CELF3: variants seen among roughly 807,000 people sequenced by gnomAD.
The protein encoded by CELF3 is CAG repeat domain.
In CELF3, 26 loss-of-function variants were observed where a neutral mutation model predicts 59.6. The observed-to-expected ratio is 0.44, with a 90% CI of 0.32 to 0.61. The LOEUF (loss-of-function observed/expected upper bound fraction) is 0.61, where lower values mean the gene tolerates loss of function less well. Among genes scored for constraint, CELF3 ranks in the 20% least tolerant of loss-of-function variants. The pLI is 0.06. For missense variants in CELF3, 387 were observed against 627.2 expected (o/e 0.62, Z 4.09); for synonymous variants, 245 against 250.7 (o/e 0.98, Z 0.22).
At position 151,700,263 on chromosome 1, in the gene CELF3, G is replaced by T. The variant is rs879936062; in HGVS notation, c.*3196C>A. Reference sequence around the variant, plus strand: ...GTGCCATAAGGACTAGAAAAGGAAGGAGAAAGACCTGTGGATGAGGGCCGT... The same window carrying T: ...GTGCCATAAGGACTAGAAAAGGAAGTAGAAAGACCTGTGGATGAGGGCCGT... On this transcript the variant is annotated 3_prime_UTR_variant, in exon 13 of 13. Coordinates refer to ENST00000290583, the MANE Select transcript of CELF3 (RefSeq NM_007185.7). 1.3e-5 allele frequency among the ~76,000 whole-genome samples: 2 copies of T among 152,174 alleles called. No individual in the cohort carries two copies. The highest frequency in any genetic ancestry group is 2.4e-5 in the African/African-American group (1 of 41,432).
intron 2 of CELF3, chr1:151,710,796 C>T (rs1340471790): frequency 6.6e-6 from 3 of 456,516 alleles, no homozygotes; most frequent in Non-Finnish European, 1.3e-5. Context: ...CCTAGTTCCA[C>T]TCTCCATGTT....
Position 151,703,394 on chromosome 1 carries a change from G to A in CELF3, c.*65C>T, listed in dbSNP as rs537768405. The A allele has an allele frequency of 5.6e-4, 221 of 396,078 alleles. 8 individuals carry two copies. Among genetic ancestry groups the A allele is most frequent in the South Asian group, 3.8e-3 (211 of 55,502 alleles). The allele number at this position is 396,078 out of a possible 1,614,324, so 24.5% of individuals were successfully genotyped here. On this transcript the variant is annotated 3_prime_UTR_variant, in exon 13 of 13. Coordinates refer to ENST00000290583, the MANE Select transcript of CELF3 (RefSeq NM_007185.7). ...CCAGGGCAGGTGTGCGGAGAGGGCC[G>A]GGGCCAGTCGTGGGAAGAGGGTGTG...
rs1435501736 is a variant in CELF3 at position 151,709,252 on chromosome 1, G to A, written c.374C>T (p.Thr125Ile). 3 of 1,614,084 alleles carry A rather than the reference G, an allele frequency of 1.9e-6. No homozygotes were observed. Among genetic ancestry groups the A allele is most frequent in the Non-Finnish European group, 2.5e-6 (3 of 1,179,968 alleles). ...FEPFGTIDEC[T>I]VLRGPDGTSK... The stretch of plus-strand genomic sequence containing the variant: ...GGTGCCATCTGGCCCCCGGAGCACA[G>A]TGCACTCGTCGATGGTCCCGAAGGG... The change falls in exon 4 of 13, where the codon ACT becomes ATT. Residue 125 changes from threonine to isoleucine, a missense_variant. Transcript: ENST00000290583. The surrounding 1 kb of genome is among the most constrained non-coding windows in gnomAD (Gnocchi z 4.9).
chr1:151,711,104 C>G (rs935302212), intron 2 of CELF3: 1 of 331,512 alleles, frequency 3.0e-6, no homozygotes, highest in East Asian at 7.8e-5. Context: ...GATTTGAGGA[C>G]TAGCCCTGCC....
At chr1:151,712,040 C>T (rs1673067758) in intron 2 of CELF3, 2 of 152,488 alleles carry the variant, frequency 1.3e-5, no homozygotes, top group Non-Finnish European at 2.9e-5. Context: ...CCTTGGCGCT[C>T]CAGTGTCCCC....
In CELF3 at chr1:151,716,764, G is replaced by A. The variant is rs1373422014; in HGVS notation, c.-744C>T. 1 of 455,778 alleles carries A rather than the reference G, an allele frequency of 2.2e-6. No individual in the cohort carries two copies. Among genetic ancestry groups the A allele is most frequent in the Admixed American group, 2.5e-5 (1 of 40,574 alleles). The allele number at this position is 455,778 out of a possible 1,614,324, so 28.2% of individuals were successfully genotyped here. On this transcript the variant is annotated 5_prime_UTR_variant, in exon 1 of 13. Transcript: ENST00000290583. Reference sequence around the variant, plus strand: ...CTGCTTTCCCGGTCACCTGGGTCCCGGAGCTCTGCTCTCCGGCCGCGCTCT... The same window carrying A: ...CTGCTTTCCCGGTCACCTGGGTCCCAGAGCTCTGCTCTCCGGCCGCGCTCT...
At chr1:151,703,895 G>A (rs1025548110) in intron 12 of CELF3, among the ~76,000 whole-genome samples, 30 of 152,172 alleles carry the variant, frequency 2.0e-4, no homozygotes, top group African/African-American at 7.2e-4. Flanking sequence ...AGTCTCATGG[G>A]GTGAGACCAC....
rs1044730659 is a variant in CELF3 at position 151,703,233 on chromosome 1, A to G, written c.*226T>C. On this transcript the variant is annotated 3_prime_UTR_variant, in exon 13 of 13. Coordinates refer to ENST00000290583, the MANE Select transcript of CELF3 (RefSeq NM_007185.7). ...GCTCCCTCACAAAGGCCAAAAGGGC[A>G]TCTAGGAGGAAATGGGCCCTTGGAG... The G allele has an allele frequency of 6.6e-6, 3 of 457,588 alleles. No individual in the cohort carries two copies. The Admixed American group carries it at 7.0e-5, about 11-fold the overall frequency. 28.3% of individuals were successfully genotyped at this position (457,588 alleles called of 1,614,324 possible).
In CELF3 at chr1:151,709,185, G is replaced by A. The variant is rs1365166265; in HGVS notation, c.406+35C>T. ...CTTGGGGGTGGAACAGGAAGGGGAA[G>A]GGCCCGGTGGGGAAGGGGGAAGTGG... On this transcript the variant is annotated intron_variant, in intron 4 of 12. Transcript: ENST00000290583. This position sits in a 1 kb window ranked among gnomAD's most constrained non-coding sequence, Gnocchi z 4.9. The A allele has an allele frequency of 3.7e-6, 6 of 1,610,228 alleles. No homozygotes were observed. The African/African-American group carries it at 4.0e-5, about 11-fold the overall frequency.
chr1:151,715,607 A>G, intron 1 of CELF3: 1 of 1,445,706 alleles, frequency 6.9e-7, no homozygotes, highest in Middle Eastern at 1.8e-4. Flanking sequence ...TCATCCCATG[A>G]CATCAACACA....
intron 9 of CELF3, 52 bp from the exon 10 acceptor site, chr1:151,706,413 C>T: frequency 6.7e-7 from 1 of 1,492,840 alleles, no homozygotes. Context: ...CTTCTTGAGC[C>T]CTCCCAGCCA....
chr1:151,710,799 T>C (rs770898735), intron 2 of CELF3: 4 of 456,416 alleles, frequency 8.8e-6, no homozygotes, highest in African/African-American at 6.0e-5. Context: ...AGTTCCACTC[T>C]CCATGTTCTT....
In CELF3 at chr1:151,702,923, A is replaced by T. The variant is rs1571901682; in HGVS notation, c.*536T>A. 1 of 294,528 alleles carries T rather than the reference A, an allele frequency of 3.4e-6. No homozygotes were observed. Among genetic ancestry groups the T allele is most frequent in the Non-Finnish European group, 6.9e-6 (1 of 145,808 alleles). 18.2% of individuals were successfully genotyped at this position (294,528 alleles called of 1,614,324 possible). ...CCTCCTTAGAGGGGGCCCTTGGGGGAGGCAGTGAGTTTTAGGGCTGGGAGC... is the reference window on the plus strand; with the variant it reads ...CCTCCTTAGAGGGGGCCCTTGGGGGTGGCAGTGAGTTTTAGGGCTGGGAGC... On this transcript the variant is annotated 3_prime_UTR_variant, in exon 13 of 13. Coordinates refer to ENST00000290583, the MANE Select transcript of CELF3 (RefSeq NM_007185.7).
chr1:151,700,361 T>G lies in CELF3; in HGVS notation c.*3098A>C, dbSNP rs1671992035. Among the ~76,000 whole-genome samples, 1 of 152,152 alleles carries G rather than the reference T, an allele frequency of 6.6e-6. No individual in the cohort carries two copies. The highest frequency in any genetic ancestry group is 2.1e-4 in the South Asian group (1 of 4,824). On this transcript the variant is annotated 3_prime_UTR_variant, in exon 13 of 13. Coordinates refer to ENST00000290583, the MANE Select transcript of CELF3 (RefSeq NM_007185.7). Reference sequence around the variant, plus strand: ...TGAGAAGGATTTCAACAAGAAGGCATTCAACAAACATTTATTGAGCCGTTA... The same window carrying G: ...TGAGAAGGATTTCAACAAGAAGGCAGTCAACAAACATTTATTGAGCCGTTA...
At position 151,705,909 on chromosome 1, in the gene CELF3, C is replaced by T. The variant is rs766937336; in HGVS notation, c.1183G>A (p.Glu395Lys). 2 of 1,614,040 alleles carry T rather than the reference C, an allele frequency of 1.2e-6. No homozygotes were observed. The highest frequency in any genetic ancestry group is 2.7e-5 in the African/African-American group (2 of 74,932). ...YHLPQEFTDS[E>K]ILQMFVPFGH... is the part of the protein sequence containing the mutation. ...AAGGGGACAAACATCTGGAGGATCT[C>T]TGAGTCAGTGAACTCCTGGGGCAGG... is the stretch of plus-strand genomic sequence containing the variant. Residue 395 changes from glutamate to lysine, a missense_variant, in exon 11 of 13, where the codon GAG becomes AAG. This residue lies in a region of CELF3 where 48 missense variants were observed against 118.8 expected (regional missense o/e 0.40). Transcript: ENST00000290583. The surrounding 1 kb of genome is among the most constrained non-coding windows in gnomAD (Gnocchi z 5.1).
chr1:151,709,840 C>A lies in CELF3; in HGVS notation c.229-49G>T, dbSNP rs1194216901. The A allele has an allele frequency of 3.2e-6, 5 of 1,579,552 alleles. No individual in the cohort carries two copies. Among genetic ancestry groups the A allele is most frequent in the Non-Finnish European group, 4.4e-6 (5 of 1,148,360 alleles). ...CTGCTGGGGACCTCCTCTGAACACC[C>A]AAGAGCCCTCCCAGGCCAGGCCCTG... is the stretch of plus-strand genomic sequence containing the variant. On this transcript the variant is annotated intron_variant, in intron 2 of 12. Coordinates refer to ENST00000290583, the MANE Select transcript of CELF3 (RefSeq NM_007185.7). The surrounding 1 kb of genome is among the most constrained non-coding windows in gnomAD (Gnocchi z 4.9).
chr1:151,709,313 G>C lies in CELF3; in HGVS notation c.313C>G (p.Gln105Glu). The C allele has an allele frequency of 5.0e-6, 8 of 1,614,082 alleles. No homozygotes were observed. Among genetic ancestry groups the C allele is most frequent in the Non-Finnish European group, 6.8e-6 (8 of 1,179,968 alleles). ...TTCCGGACGTCCTCATCTGTCTGCT[G>C]CTTCCCTAGCATCCCCACAAAGAGC... ...RKLFVGMLGK[Q>E]QTDEDVRKMF... The change falls in exon 4 of 13, where the codon CAG becomes GAG. Residue 105 changes from glutamine to glutamate, a missense_variant. Physicochemically the swap from Gln to Glu is conservative, Grantham distance 29. Around this residue, in one of 3 missense-constraint regions of CELF3, gnomAD observed 208 missense variants for 354.8 expected, o/e 0.59. Coordinates refer to ENST00000290583, the MANE Select transcript of CELF3 (RefSeq NM_007185.7). This position sits in a 1 kb window ranked among gnomAD's most constrained non-coding sequence, Gnocchi z 4.9.
chr1:151,708,080 G>GT, intron 5 of CELF3, 145 bp from the exon 6 acceptor site: 1 of 828,528 alleles, frequency 1.2e-6, no homozygotes, highest in Non-Finnish European at 1.8e-6. Flanking sequence ...ATGAAAGATG[G>GT]GGAGATATTA....
At chr1:151,712,653 G>C (rs1345061564) in intron 2 of CELF3, among the ~76,000 whole-genome samples, 1 of 152,176 alleles carries the variant, frequency 6.6e-6, no homozygotes, top group Non-Finnish European at 1.5e-5. Context: ...GAACTCTTAG[G>C]GGAGAGAAAA....
Sources: gnomAD v4.1 joint callset for allele counts (sites outside exome capture counted in the v4.1 genomes callset) on GRCh38, gnomAD v4.1.1 for gene constraint, gnomAD v4.1.1 regional missense constraint, Gnocchi (gnomAD v3.1) non-coding constraint, MANE v1.5 for transcripts, NCBI Gene and HGNC (gene_info 2026-07-23, HGNC 2026-07-21) for gene names.